The following MEF2A variants were observed in gnomAD, a reference collection of about 807,000 sequenced individuals.
MEF2A encodes the protein myocyte-specific enhancer factor 2A.
A neutral mutation model predicts 55.8 loss-of-function variants in MEF2A; 28 were observed. The ratio of observed to expected loss-of-function variants is 0.50; its 90% CI spans 0.37 to 0.69. The LOEUF (loss-of-function observed/expected upper bound fraction) is 0.69, where lower values mean the gene tolerates loss of function less well. MEF2A is among the 30% of genes least tolerant of loss of function. The probability of loss-of-function intolerance (pLI) is 0.00; values close to 1 mark genes in which losing one functional copy is unlikely to be tolerated. For synonymous variants in MEF2A, 239 were observed against 227.1 expected (o/e 1.05, Z -0.47); for missense variants, 528 against 626.2 (o/e 0.84, Z 1.67).
At chr15:99,697,040 A>G (rs957883280) in intron 8 of MEF2A, among the ~76,000 whole-genome samples, 1 of 119,290 alleles carries the variant, frequency 8.4e-6, no homozygotes, top group Admixed American at 9.2e-5. Context: ...ACAATTGAAC[A>G]TCTATTCATC....
intron 8 of MEF2A, among the ~76,000 whole-genome samples, chr15:99,702,471 A>C (rs1247336177): frequency 7.3e-6 from 1 of 136,724 alleles, no homozygotes; most frequent in African/African-American, 2.7e-5. Context: ...TCTGTCACCC[A>C]GGCTGGAGTG....
chr15:99,669,579 A>C (rs1276321444), intron 4 of MEF2A, among the ~76,000 whole-genome samples: 2 of 152,230 alleles, frequency 1.3e-5, no homozygotes, highest in Admixed American at 6.5e-5. Flanking sequence ...CCATGGAGAA[A>C]ATGTTGGAGA....
chr15:99,594,426 A>G (rs1350526521), intron 1 of MEF2A, among the ~76,000 whole-genome samples: 1 of 150,690 alleles, frequency 6.6e-6, no homozygotes, highest in East Asian at 2.0e-4. Context: ...GTGTTCAGCA[A>G]TCTGGAAGCA....
At chr15:99,635,493 A>C (rs753757055) in intron 3 of MEF2A, among the ~76,000 whole-genome samples, 2 of 152,168 alleles carry the variant, frequency 1.3e-5, no homozygotes, top group Admixed American at 6.5e-5. Context: ...AAAAATTCAG[A>C]AATCCTAAGA....
rs1174628464 is a variant in MEF2A, at chr15:99,622,240, T to C, written c.-142-10738T>C. On this transcript the variant is annotated intron_variant, in intron 2 of 11. Coordinates refer to ENST00000557942, the MANE Select transcript of MEF2A (RefSeq NM_001319206.4). ...TACCTGAGTATTCAGTTTAAAGTAATTTTTTCCTGCATTCCTGTTGCCTGA... is the reference window on the plus strand; with the variant it reads ...TACCTGAGTATTCAGTTTAAAGTAACTTTTTCCTGCATTCCTGTTGCCTGA... 6.6e-5 allele frequency among the ~76,000 whole-genome samples: 10 copies of C among 152,302 alleles called. No individual in the cohort carries two copies. The East Asian group carries it at 1.9e-3, about 29-fold the overall frequency.
chr15:99,665,755 AG>A lies in MEF2A; in HGVS notation c.259-5567del, dbSNP rs1337944275. Among the ~76,000 whole-genome samples the A allele has an allele frequency of 9.1e-3, 1,323 of 145,570 alleles. 13 individuals carry two copies. The highest frequency in any genetic ancestry group is 0.016 in the Non-Finnish European group (1,035 of 66,136). On this transcript the variant is annotated intron_variant, in intron 4 of 11. Transcript: ENST00000557942. ...ACAAAAAAAAAAAAAAAAAAAAAAA[AG>A]CCATCAAAAAGTGGGTGAAGGATAT...
intron 7 of MEF2A, among the ~76,000 whole-genome samples, chr15:99,681,131 CA>C (rs1212209761): frequency 6.6e-6 from 1 of 152,156 alleles, no homozygotes; most frequent in African/African-American, 2.4e-5. Flanking sequence ...AGATATCCAA[CA>C]ACTTCACTTT....
intron 1 of MEF2A, among the ~76,000 whole-genome samples, chr15:99,578,221 A>C (rs1964905138): frequency 6.6e-6 from 1 of 152,178 alleles, no homozygotes; most frequent in African/African-American, 2.4e-5. Flanking sequence ...TCATTTATTA[A>C]AATTCTTCAG....
intron 2 of MEF2A, among the ~76,000 whole-genome samples, chr15:99,600,549 A>C (rs1972631644): frequency 6.6e-6 from 1 of 152,132 alleles, no homozygotes; most frequent in South Asian, 2.1e-4. Flanking sequence ...TACTACATTG[A>C]GGTCAGTGAT....
intron 1 of MEF2A, among the ~76,000 whole-genome samples, chr15:99,571,498 G>A (rs1322505277): frequency 2.0e-5 from 3 of 151,938 alleles, no homozygotes; most frequent in South Asian, 4.1e-4. Context: ...TGATTCCATC[G>A]TGTCTTTTGA....
rs752375055 is a variant in MEF2A, at chr15:99,671,385, C to T, written c.321C>T (p.His107=). ...ESPDADDYFE[H]SPLSEDRFSK... Reference sequence around the variant, plus strand: ...CTGATGCTGACGATTACTTTGAGCACAGTCCACTCTCGGAGGACAGATTCA... The same window carrying T: ...CTGATGCTGACGATTACTTTGAGCATAGTCCACTCTCGGAGGACAGATTCA... Residue 107 remains histidine, a synonymous_variant, in exon 5 of 12, where the codon CAC becomes CAT. Transcript: ENST00000557942. 1 of 1,613,848 alleles carries T rather than the reference C, an allele frequency of 6.2e-7. No homozygotes were observed.
chr15:99,604,158 G>A (rs535063365), intron 2 of MEF2A, among the ~76,000 whole-genome samples: 48 of 152,122 alleles, frequency 3.2e-4, no homozygotes, highest in South Asian at 6.2e-4. Context: ...GGTTTTCTTT[G>A]CAATAATGCT....
chr15:99,589,651 G>A (rs972632077), intron 1 of MEF2A, among the ~76,000 whole-genome samples: 13 of 152,026 alleles, frequency 8.6e-5, no homozygotes, highest in African/African-American at 2.2e-4. Context: ...TTCCAAGTAC[G>A]TATCTTTAGC....
At chr15:99,654,241 T>C (rs937531816) in intron 4 of MEF2A, among the ~76,000 whole-genome samples, 8 of 152,158 alleles carry the variant, frequency 5.3e-5, no homozygotes, top group Non-Finnish European at 1.2e-4. Context: ...CTACTTAATA[T>C]GTCACTTATT....
chr15:99,695,546 TG>T (rs1455957694), intron 8 of MEF2A, among the ~76,000 whole-genome samples: 1 of 151,134 alleles, frequency 6.6e-6, no homozygotes, highest in African/African-American at 2.4e-5. Context: ...CAGATTTGTG[TG>T]TGTGTGTGTG....
intron 4 of MEF2A, among the ~76,000 whole-genome samples, chr15:99,651,325 G>A (rs565875920): frequency 2.0e-5 from 3 of 152,230 alleles, no homozygotes; most frequent in African/African-American, 7.2e-5. Flanking sequence ...AAAAGTAGAA[G>A]CATGATTATG....
chr15:99,710,279 C>T (rs1054666772), intron 10 of MEF2A, among the ~76,000 whole-genome samples: 9 of 152,108 alleles, frequency 5.9e-5, no homozygotes, highest in Non-Finnish European at 1.2e-4. Context: ...AAGTCTGTTG[C>T]CCAGGCTGGA....
chr15:99,653,822 T>G (rs1376672864), intron 4 of MEF2A, among the ~76,000 whole-genome samples: 4 of 152,188 alleles, frequency 2.6e-5, no homozygotes, highest in Non-Finnish European at 4.4e-5. Context: ...CAGTGGAGAA[T>G]ATTTTTCTGT....
intron 8 of MEF2A, among the ~76,000 whole-genome samples, chr15:99,696,275 T>C (rs2056468299): frequency 1.3e-5 from 2 of 152,194 alleles, no homozygotes; most frequent in Non-Finnish European, 2.9e-5. Flanking sequence ...GAGACATTTA[T>C]AGAACACATC....
Sources: allele counts gnomAD v4.1 joint callset (sites outside exome capture counted in the v4.1 genomes callset), GRCh38; gene constraint gnomAD v4.1.1; transcripts MANE v1.5; gene names NCBI Gene and HGNC (gene_info 2026-07-23, HGNC 2026-07-21).